The following LRRTM4 variants were observed in gnomAD, a reference collection of about 807,000 sequenced individuals.
LRRTM4 encodes the protein leucine rich repeat transmembrane neuronal 4.
LRRTM4 carries 25 observed loss-of-function variants against 47.6 expected under a neutral mutation model. The ratio of observed to expected loss-of-function variants is 0.53; its 90% confidence interval spans 0.38 to 0.73. The LOEUF is 0.73. LRRTM4 is among the 30% of genes least tolerant of loss of function. The pLI is 0.00. For synonymous variants in LRRTM4, 311 were observed against 269.5 expected (o/e 1.15, Z -1.51); for missense variants, 638 against 713.4 (o/e 0.89, Z 1.20).
chr2:77,427,551 T>C (rs1175499444), intron 3 of LRRTM4, among the ~76,000 whole-genome samples: 2 of 152,228 alleles, frequency 1.3e-5, no homozygotes, highest in Admixed American at 1.3e-4. Flanking sequence ...CTCTCATTTA[T>C]TGATAGTTTG....
intron 3 of LRRTM4, among the ~76,000 whole-genome samples, chr2:77,511,636 T>G (rs1679003538): frequency 6.6e-6 from 1 of 151,978 alleles, no homozygotes; most frequent in Non-Finnish European, 1.5e-5. Context: ...TATTTATTAT[T>G]ATTGTTTGTA....
chr2:77,135,455 T>C (rs180954197), intron 3 of LRRTM4, among the ~76,000 whole-genome samples: 180 of 152,344 alleles, frequency 1.2e-3, no homozygotes, highest in African/African-American at 3.9e-3. Flanking sequence ...ACTTAGGGTC[T>C]TCTTGGATCC....
At chr2:77,099,254 T>C (rs1267798693) in intron 3 of LRRTM4, among the ~76,000 whole-genome samples, 4 of 151,960 alleles carry the variant, frequency 2.6e-5, no homozygotes, top group African/African-American at 9.7e-5. Flanking sequence ...TTAACTGTAC[T>C]ATGTTTTCAT....
chr2:77,015,922 G>A (rs1678051715), intron 3 of LRRTM4, among the ~76,000 whole-genome samples: 1 of 151,894 alleles, frequency 6.6e-6, no homozygotes, highest in South Asian at 2.1e-4. Context: ...TTCGAGACCA[G>A]CCTGGCCAAC....
chr2:76,875,894 C>A (rs1393085526), intron 3 of LRRTM4, among the ~76,000 whole-genome samples: 1 of 152,096 alleles, frequency 6.6e-6, no homozygotes, highest in Non-Finnish European at 1.5e-5. Context: ...AGCTGAGTTT[C>A]CCTATAAAAA....
At chr2:77,074,670 T>C (rs1015599055) in intron 3 of LRRTM4, among the ~76,000 whole-genome samples, 1 of 152,136 alleles carries the variant, frequency 6.6e-6, no homozygotes, top group African/African-American at 2.4e-5. Flanking sequence ...GTACTGATTT[T>C]GGACAGAGAG....
chr2:77,088,064 G>A (rs143024286), intron 3 of LRRTM4, among the ~76,000 whole-genome samples: 4 of 152,310 alleles, frequency 2.6e-5, no homozygotes, highest in East Asian at 3.9e-4. Context: ...ATGTGTCACT[G>A]AGCTAGCTAC....
At chr2:77,046,668 G>C (rs915777076) in intron 3 of LRRTM4, among the ~76,000 whole-genome samples, 7 of 151,884 alleles carry the variant, frequency 4.6e-5, no homozygotes, top group African/African-American at 1.7e-4. Context: ...CACACTATGA[G>C]AAATAGTAGA....
At chr2:77,016,184 A>G (rs1021872833) in intron 3 of LRRTM4, among the ~76,000 whole-genome samples, 2 of 152,124 alleles carry the variant, frequency 1.3e-5, no homozygotes, top group African/African-American at 4.8e-5. Context: ...TCAAGAGTTC[A>G]AGACCATCCT....
chr2:77,016,440 T>G (rs967234212), intron 3 of LRRTM4, among the ~76,000 whole-genome samples: 7 of 151,548 alleles, frequency 4.6e-5, no homozygotes, highest in African/African-American at 1.5e-4. Context: ...AAGTTCTGAT[T>G]GCTGAATAGA....
chr2:77,276,701 A>G (rs1434048952), intron 3 of LRRTM4, among the ~76,000 whole-genome samples: 1 of 110,688 alleles, frequency 9.0e-6, no homozygotes, highest in East Asian at 2.4e-4. Flanking sequence ...ATATATATAT[A>G]TATATATATA....
intron 3 of LRRTM4, among the ~76,000 whole-genome samples, chr2:77,320,179 C>A (rs1677747012): frequency 6.6e-6 from 1 of 152,094 alleles, no homozygotes; most frequent in African/African-American, 2.4e-5. Context: ...CAAATCCATT[C>A]ATACTCAAGT....
At chr2:76,831,159 A>G (rs1671340128) in intron 3 of LRRTM4, among the ~76,000 whole-genome samples, 1 of 152,102 alleles carries the variant, frequency 6.6e-6, no homozygotes, top group African/African-American at 2.4e-5. Flanking sequence ...GGCTAACAAT[A>G]TAATGAATTC....
intron 3 of LRRTM4, among the ~76,000 whole-genome samples, chr2:76,934,885 T>G (rs1205100637): frequency 3.9e-5 from 6 of 152,090 alleles, no homozygotes; most frequent in Non-Finnish European, 8.8e-5. Context: ...AATCTAACAA[T>G]TCTGTAAATC....
At chr2:77,480,300 A>T (rs904506037) in intron 3 of LRRTM4, among the ~76,000 whole-genome samples, 6 of 152,200 alleles carry the variant, frequency 3.9e-5, no homozygotes, top group African/African-American at 1.4e-4. Context: ...AATATCTCCA[A>T]CACGATTGCA....
At chr2:77,153,977 A>G (rs1209447804) in intron 3 of LRRTM4, among the ~76,000 whole-genome samples, 2 of 152,210 alleles carry the variant, frequency 1.3e-5, no homozygotes, top group East Asian at 3.8e-4. Context: ...GTTCAGAATT[A>G]TTTCACAGGT....
At chr2:76,792,102 T>A (rs943434088) in intron 3 of LRRTM4, among the ~76,000 whole-genome samples, 22 of 151,748 alleles carry the variant, frequency 1.4e-4, no homozygotes, top group African/African-American at 5.1e-4. Flanking sequence ...TAAATGCCCA[T>A]AGTTAGAGAA....
intron 3 of LRRTM4, among the ~76,000 whole-genome samples, chr2:77,438,050 C>A (rs1411861723): frequency 6.6e-6 from 1 of 152,144 alleles, no homozygotes. Flanking sequence ...ATTAAGGATG[C>A]TATGTTACAG....
chr2:77,518,993 G>A lies in LRRTM4; in HGVS notation c.876C>T (p.Ile292=), dbSNP rs1679358183. 1.2e-6 allele frequency: 2 copies of A among 1,611,754 alleles called. No individual in the cohort carries two copies. The highest frequency in any genetic ancestry group is 1.7e-6 in the Non-Finnish European group (2 of 1,178,918). ...TCCACGCATTGACAGTTTCCTGTGA[G>A]ATATTGGTGAGCTTGTTGGAATCCA... ...LNLDSNKLTN[I]SQETVNAWIS... Residue 292 remains isoleucine, a synonymous_variant, in exon 3 of 4, where the codon ATC becomes ATT. Coordinates refer to ENST00000409884, the MANE Select transcript of LRRTM4 (RefSeq NM_001134745.3).
Sources: allele counts gnomAD v4.1 joint callset (sites outside exome capture counted in the v4.1 genomes callset), GRCh38; gene constraint gnomAD v4.1.1; transcripts MANE v1.5; gene names NCBI Gene and HGNC (gene_info 2026-07-23, HGNC 2026-07-21).